Variants in TRAF3IP2 observed in about 807,000 individuals in gnomAD.
TRAF3IP2 encodes TRAF3 interacting protein 2.
TRAF3IP2 carries 35 observed loss-of-function variants against 57.9 expected under a neutral mutation model. The observed-to-expected ratio is 0.60, with a 90% CI of 0.46 to 0.80. The LOEUF (loss-of-function observed/expected upper bound fraction) is 0.80. Ranked by LOEUF, TRAF3IP2 falls within the 30% of genes least tolerant of loss-of-function variation. TRAF3IP2 has a pLI of 0.00. For missense variants in TRAF3IP2, 556 were observed against 706.4 expected (o/e 0.79, Z 2.41); for synonymous variants, 251 against 268.9 (o/e 0.93, Z 0.65).
intron 2 of TRAF3IP2, 36 bp from the exon 3 acceptor site, chr6:111,580,425 C>T (rs753346144): frequency 6.6e-7 from 1 of 1,512,186 alleles, no homozygotes; most frequent in Non-Finnish European, 8.8e-7. Context: ...CAGGGAACAT[C>T]AACTCTAGCT....
At chr6:111,561,195 A>G (rs1389070385) in intron 8 of TRAF3IP2, among the ~76,000 whole-genome samples, 2 of 148,626 alleles carry the variant, frequency 1.3e-5, no homozygotes, top group Admixed American at 6.7e-5. Context: ...AAAAAAAAAC[A>G]CTTTGGGAGG....
chr6:111,567,641 C>T lies in TRAF3IP2; in HGVS notation c.1342G>A (p.Glu448Lys), dbSNP rs747047346. 6.2e-7 allele frequency: 1 copy of T among 1,610,358 alleles called. No homozygotes were observed. Among genetic ancestry groups the T allele is most frequent in the Non-Finnish European group, 8.5e-7 (1 of 1,178,622 alleles). Residue 448 changes from glutamate to lysine, a missense_variant, in exon 6 of 9, where the codon GAG (glutamate) becomes AAG (lysine). Coordinates refer to ENST00000368761, the MANE Select transcript of TRAF3IP2 (RefSeq NM_147686.4). ...IRGIDIIKWM[E>K]RYLRDKTVMI... Reference sequence around the variant, plus strand: ...GTACTTACATCCCTAAGGTAGCGCTCCATCCATTTAATGATATCAATGCCT... The same window carrying T: ...GTACTTACATCCCTAAGGTAGCGCTTCATCCATTTAATGATATCAATGCCT...
chr6:111,577,486 T>G (rs1796025145), intron 3 of TRAF3IP2, among the ~76,000 whole-genome samples: 1 of 152,100 alleles, frequency 6.6e-6, no homozygotes, highest in South Asian at 2.1e-4. Flanking sequence ...CCTCCTGGGC[T>G]CAGGTGATTT....
chr6:111,559,489 G>GT lies in TRAF3IP2; in HGVS notation c.1613dup (p.Asn538LysfsTer97), dbSNP rs777439425. The stretch of plus-strand genomic sequence containing the variant: ...CCTCTCTCAGCAGCCGCAGCAGGAT[G>GT]TTTTTTTTATTCTTGGGCCAGCTGT... On this transcript the variant is annotated frameshift_variant, in exon 9 of 9. Coordinates refer to ENST00000368761, the MANE Select transcript of TRAF3IP2 (RefSeq NM_147686.4). LOFTEE classifies it high-confidence loss of function. 6 of 1,613,898 alleles carry GT rather than the reference G, an allele frequency of 3.7e-6. No individual in the cohort carries two copies. Among genetic ancestry groups the GT allele is most frequent in the African/African-American group, 2.7e-5 (2 of 74,896 alleles).
At chr6:111,592,755 G>A (rs1034491066) in intron 1 of TRAF3IP2, among the ~76,000 whole-genome samples, 6 of 149,110 alleles carry the variant, frequency 4.0e-5, no homozygotes, top group South Asian at 2.1e-4. Flanking sequence ...AAAAATAAAA[G>A]TGTTTTTTTT....
chr6:111,559,682 T>C (rs993172859), intron 8 of TRAF3IP2, 131 bp from the exon 9 acceptor site: 8 of 1,098,008 alleles, frequency 7.3e-6, no homozygotes, highest in Admixed American at 2.5e-5. Context: ...CTGGGAGTTG[T>C]GCTGTTTTGC....
intron 5 of TRAF3IP2, among the ~76,000 whole-genome samples, chr6:111,568,677 G>T (rs1795734880): frequency 6.6e-6 from 1 of 152,152 alleles, no homozygotes; most frequent in African/African-American, 2.4e-5. Flanking sequence ...CAGCACTTGG[G>T]AGGCCGTGGC....
In TRAF3IP2 at chr6:111,580,190, T is replaced by C. The variant is rs759269153; in HGVS notation, c.1022+7A>G. ...AAATGCCTGAAGGTTGGGCCTGTCA[T>C]ACTTACTGGTGCCTTGGAAGCCCCG... On this transcript the variant is annotated splice_region_variant and intron_variant, in intron 3 of 8. Transcript: ENST00000368761. 8 of 1,613,578 alleles carry C rather than the reference T, an allele frequency of 5.0e-6. No homozygotes were observed. In the South Asian group the frequency reaches 7.7e-5, roughly 16 times the overall value.
At chr6:111,590,681 A>C (rs1376765846) in intron 2 of TRAF3IP2, among the ~76,000 whole-genome samples, 1 of 152,192 alleles carries the variant, frequency 6.6e-6, no homozygotes, top group Non-Finnish European at 1.5e-5. Flanking sequence ...TGCCAGTCTT[A>C]GAGTGGCTGG....
In TRAF3IP2 at chr6:111,591,335, A is replaced by G; in HGVS notation, c.752T>C (p.Leu251Pro). Residue 251 changes from leucine to proline, a missense_variant, in exon 2 of 9, where the codon CTG becomes CCG. By Grantham distance (98) the Leu-to-Pro change is moderately conservative. Coordinates refer to ENST00000368761, the MANE Select transcript of TRAF3IP2 (RefSeq NM_147686.4). The surrounding 1 kb of genome is among the most constrained non-coding windows in gnomAD (Gnocchi z 4.9). ...PQRYPACAQMLPPNLSPHAPW... is the reference protein window; with the variant it reads ...PQRYPACAQMPPPNLSPHAPW... The stretch of plus-strand genomic sequence containing the variant: ...AGCATGTGGGGAAAGATTGGGAGGC[A>G]GCATCTGTGCACATGCTGGATACCT... 6.6e-7 allele frequency: 1 copy of G among 1,522,124 alleles called. No individual in the cohort carries two copies. Among genetic ancestry groups the G allele is most frequent in the Middle Eastern group, 1.8e-4 (1 of 5,620 alleles). The allele number at this position is 1,522,124 out of a possible 1,614,324, so 94.3% of individuals were successfully genotyped here.
intron 7 of TRAF3IP2, among the ~76,000 whole-genome samples, chr6:111,563,388 A>G (rs988735658): frequency 6.6e-5 from 10 of 151,916 alleles, no homozygotes; most frequent in South Asian, 2.1e-4. Context: ...GAAATTGGCG[A>G]TGGTATTGGA....
At chr6:111,562,239 A>G (rs1156446355) in intron 8 of TRAF3IP2, among the ~76,000 whole-genome samples, 2 of 152,218 alleles carry the variant, frequency 1.3e-5, no homozygotes, top group African/African-American at 4.8e-5. Flanking sequence ...TCAGGTAACT[A>G]TAGATTTAAT....
Position 111,575,641 on chromosome 6 carries a change from A to AC in TRAF3IP2, c.1201+1dup. ...GAGAGAACAATGTTGCAAACAACTT[A>AC]CGCAATTCTTCTGGCAAATTGCTTG... is the stretch of plus-strand genomic sequence containing the variant. On this transcript the variant is annotated splice_donor_variant, in intron 4 of 8. Coordinates refer to ENST00000368761, the MANE Select transcript of TRAF3IP2 (RefSeq NM_147686.4). LOFTEE classifies it high-confidence loss of function. 6.2e-7 allele frequency: 1 copy of AC among 1,610,630 alleles called. No individual in the cohort carries two copies.
Position 111,572,947 on chromosome 6 carries a change from A to G in TRAF3IP2, c.1238T>C (p.Met413Thr), listed in dbSNP as rs372899704. The stretch of plus-strand genomic sequence containing the variant: ...AAAGTTCACGAATTTCACCACCTCC[A>G]TAGCTGTGTCCATCGAATAAGTGAT... ...VFITYSMDTA[M>T]EVVKFVNFLL... Residue 413 changes from methionine (M) to threonine (T), a missense_variant, in exon 5 of 9, where the codon ATG becomes ACG. Transcript: ENST00000368761. 31 of 1,613,988 alleles carry G rather than the reference A, an allele frequency of 1.9e-5. No individual in the cohort carries two copies. The highest frequency in any genetic ancestry group is 2.4e-5 in the Non-Finnish European group (28 of 1,180,006).
intron 5 of TRAF3IP2, among the ~76,000 whole-genome samples, chr6:111,571,524 T>C (rs1208075629): frequency 6.6e-6 from 1 of 152,224 alleles, no homozygotes; most frequent in Non-Finnish European, 1.5e-5. Flanking sequence ...TATAGTGCTT[T>C]CTTATACCAG....
chr6:111,590,185 TTTA>T (rs1481579285), intron 2 of TRAF3IP2, among the ~76,000 whole-genome samples: 1 of 152,228 alleles, frequency 6.6e-6, no homozygotes, highest in African/African-American at 2.4e-5. Context: ...TCGGAAGTAG[TTTA>T]TTGAGAGTCT....
chr6:111,573,285 C>T (rs1445988451), intron 4 of TRAF3IP2, among the ~76,000 whole-genome samples: 1 of 152,146 alleles, frequency 6.6e-6, no homozygotes, highest in East Asian at 1.9e-4. Context: ...ACCCAGAATC[C>T]GCGAGCCCTT....
At chr6:111,590,385 A>T (rs1395520188) in intron 2 of TRAF3IP2, among the ~76,000 whole-genome samples, 1 of 152,198 alleles carries the variant, frequency 6.6e-6, no homozygotes, top group Non-Finnish European at 1.5e-5. Context: ...CTGAAGGAGA[A>T]CGTGATCTGG....
Position 111,559,467 on chromosome 6 carries a change from C to G in TRAF3IP2, c.1636G>C (p.Glu546Gln). 6.2e-7 allele frequency: 1 copy of G among 1,614,118 alleles called. No individual in the cohort carries two copies. Among genetic ancestry groups the G allele is most frequent in the Non-Finnish European group, 8.5e-7 (1 of 1,179,968 alleles). The part of the protein sequence containing the change: ...KKNILLRLLR[E>Q]EEYVAPPRGP... ...CGTGGAGGAGCCACATACTCTTCCT[C>G]TCTCAGCAGCCGCAGCAGGATGTTT... The change falls in exon 9 of 9, where the codon GAG (glutamate) becomes CAG (glutamine). Residue 546 changes from glutamate to glutamine, a missense_variant. Glu to Gln is a conservative substitution (Grantham distance 29). Around this residue, in one of 2 missense-constraint regions of TRAF3IP2, gnomAD observed 128 missense variants for 207.7 expected, o/e 0.62. Transcript: ENST00000368761.
Sources: allele counts gnomAD v4.1 joint callset (sites outside exome capture counted in the v4.1 genomes callset), GRCh38; gene constraint gnomAD v4.1.1; regional missense constraint gnomAD v4.1.1; non-coding constraint Gnocchi (gnomAD v3.1); transcripts MANE v1.5; gene names NCBI Gene and HGNC (gene_info 2026-07-23, HGNC 2026-07-21).